The following TLN2 variants were observed in gnomAD, a reference collection of about 807,000 sequenced individuals.
TLN2 encodes the protein talin-2.
TLN2 carries 118 observed loss-of-function variants against 294.7 expected under a neutral mutation model. The observed-to-expected ratio is 0.40, with a 90% confidence interval of 0.34 to 0.47. TLN2 has a LOEUF of 0.47. Among genes scored for constraint, TLN2 ranks in the 20% least tolerant of loss-of-function variants. The pLI, the probability that TLN2 is intolerant of heterozygous loss-of-function variation, is 0.84. For synonymous variants in TLN2, 1,431 were observed against 1,304.5 expected (o/e 1.10, Z -2.09); for missense variants, 3,083 against 3,282.2 (o/e 0.94, Z 1.48).
At chr15:62,667,202 G>A (rs979963595) in intron 9 of TLN2, among the ~76,000 whole-genome samples, 14 of 152,258 alleles carry the variant, frequency 9.2e-5, no homozygotes, top group East Asian at 1.9e-4. Flanking sequence ...TCCTGACCTA[G>A]TGATCCGCCC....
intron 45 of TLN2, among the ~76,000 whole-genome samples, chr15:62,789,672 C>T (rs1241069751): frequency 6.6e-6 from 1 of 152,154 alleles, no homozygotes; most frequent in Non-Finnish European, 1.5e-5. Flanking sequence ...TACAGGTGTT[C>T]GTCCCGGTGC....
At chr15:62,460,219 A>G (rs1432093788) in intron 1 of TLN2, among the ~76,000 whole-genome samples, 6 of 150,530 alleles carry the variant, frequency 4.0e-5, no homozygotes, top group Admixed American at 3.3e-4. Context: ...TTCGGGGTGC[A>G]TTTGATGTGT....
intron 1 of TLN2, among the ~76,000 whole-genome samples, chr15:62,452,087 G>T (rs2036187494): frequency 6.6e-6 from 1 of 152,094 alleles, no homozygotes; most frequent in African/African-American, 2.4e-5. Context: ...TGGGGTTCTG[G>T]TCCTGGATCA....
At chr15:62,765,992 TC>T (rs2141032944) in intron 40 of TLN2, among the ~76,000 whole-genome samples, 1 of 152,348 alleles carries the variant, frequency 6.6e-6, no homozygotes, top group South Asian at 2.1e-4. Context: ...AAGTTGTCGT[TC>T]CTTCTTGGAA....
rs754878427 is a variant in TLN2 at position 62,783,878 on chromosome 15, G to C, written c.5724G>C (p.Ala1908=). 1 of 1,613,872 alleles carries C rather than the reference G, an allele frequency of 6.2e-7. No homozygotes were observed. Among genetic ancestry groups the C allele is most frequent in the Admixed American group, 1.7e-5 (1 of 60,008 alleles). ...AGGGCCAGATGGCAGCAGCCACGGC[G>C]GAACCAGAGGAGGTCTGCCACCTTA... ...AFQGQMAAAT[A]EPEEIGFQIR... The change falls in exon 45 of 59, where the codon GCG becomes GCC. Residue 1908 remains alanine (A), a synonymous_variant. Transcript: ENST00000636159.
chr15:62,687,643 CTT>C (rs2057394553), intron 12 of TLN2, among the ~76,000 whole-genome samples: 1 of 152,146 alleles, frequency 6.6e-6, no homozygotes, highest in African/African-American at 2.4e-5. Context: ...TCTTAAGACT[CTT>C]GAAGTCTCTA....
chr15:62,635,512 C>A (rs1434469189), intron 3 of TLN2, among the ~76,000 whole-genome samples: 1 of 152,136 alleles, frequency 6.6e-6, no homozygotes, highest in Non-Finnish European at 1.5e-5. Context: ...TAGAGCATAT[C>A]ATCTCAACTA....
chr15:62,464,062 A>G (rs576330864), intron 1 of TLN2, among the ~76,000 whole-genome samples: 11 of 152,332 alleles, frequency 7.2e-5, no homozygotes, highest in Admixed American at 3.9e-4. Flanking sequence ...TGACTCAGCA[A>G]TCCCATCACT....
At chr15:62,525,729 A>T (rs1384955312) in intron 1 of TLN2, among the ~76,000 whole-genome samples, 2 of 152,208 alleles carry the variant, frequency 1.3e-5, no homozygotes, top group Admixed American at 1.3e-4. Context: ...CTTGTGGGTC[A>T]TTCTGTCTGT....
intron 46 of TLN2, among the ~76,000 whole-genome samples, chr15:62,794,237 C>T (rs2065293054): frequency 6.6e-6 from 1 of 152,152 alleles, no homozygotes; most frequent in African/African-American, 2.4e-5. Context: ...GAGGGACCAC[C>T]AAAGGAGAGG....
At chr15:62,771,670 G>T (rs1465387824) in intron 42 of TLN2, among the ~76,000 whole-genome samples, 2 of 152,234 alleles carry the variant, frequency 1.3e-5, no homozygotes, top group African/African-American at 4.8e-5. Context: ...GGGAACTGAA[G>T]AAGAGAGAAT....
intron 3 of TLN2, among the ~76,000 whole-genome samples, chr15:62,629,602 A>G (rs924210840): frequency 2.0e-5 from 3 of 152,206 alleles, no homozygotes; most frequent in African/African-American, 7.2e-5. Context: ...ATTCCAAGGT[A>G]GGGCCGTATA....
At chr15:62,477,177 T>C (rs1161249465) in intron 1 of TLN2, among the ~76,000 whole-genome samples, 4 of 152,200 alleles carry the variant, frequency 2.6e-5, no homozygotes, top group African/African-American at 9.7e-5. Context: ...TGCTTTGTTC[T>C]AATTACTCTA....
chr15:62,436,170 A>G (rs1189440995), intron 1 of TLN2, among the ~76,000 whole-genome samples: 1 of 152,158 alleles, frequency 6.6e-6, no homozygotes, highest in Non-Finnish European at 1.5e-5. Context: ...CTGCCTCATC[A>G]TTTATTCAGT....
At chr15:62,740,880 C>G in intron 32 of TLN2, 111 bp downstream of exon 32, 1 of 1,421,184 alleles carries the variant, frequency 7.0e-7, no homozygotes, top group Non-Finnish European at 9.6e-7. Context: ...TGGTGCTGTC[C>G]TTAGGTCATG....
chr15:62,587,615 C>T (rs868392510), intron 1 of TLN2, among the ~76,000 whole-genome samples: 87 of 152,274 alleles, frequency 5.7e-4, no homozygotes, highest in African/African-American at 2.0e-3. Context: ...GGGCATTTAT[C>T]CTCCTCCTTT....
chr15:62,493,868 C>A (rs1021478005), intron 1 of TLN2, among the ~76,000 whole-genome samples: 1 of 152,130 alleles, frequency 6.6e-6, no homozygotes, highest in South Asian at 2.1e-4. Context: ...ACCTCGGCCT[C>A]CCAAAGTGCT....
intron 41 of TLN2, among the ~76,000 whole-genome samples, chr15:62,767,527 C>T (rs1044469839): frequency 4.6e-5 from 7 of 152,004 alleles, no homozygotes; most frequent in Admixed American, 3.3e-4. Context: ...TTAGTAGAGA[C>T]GGGGTTTCTC....
intron 1 of TLN2, among the ~76,000 whole-genome samples, chr15:62,572,004 C>T (rs1425158297): frequency 2.6e-5 from 4 of 152,186 alleles, no homozygotes. Context: ...GCCTTTGTGT[C>T]TGATGTGCTG....
Sources: gnomAD v4.1 joint callset for allele counts (sites outside exome capture counted in the v4.1 genomes callset) on GRCh38, gnomAD v4.1.1 for gene constraint, MANE v1.5 for transcripts, NCBI Gene and HGNC (gene_info 2026-07-23, HGNC 2026-07-21) for gene names.